Variants in RALGAPA2 observed in about 807,000 individuals in gnomAD.
RALGAPA2 encodes the protein Ral GTPase activating protein catalytic subunit alpha 2.
A neutral mutation model predicts 230.4 loss-of-function variants in RALGAPA2; 139 were observed. The observed-to-expected ratio is 0.60, with a 90% confidence interval of 0.53 to 0.69. The LOEUF (loss-of-function observed/expected upper bound fraction) is 0.69. Among genes scored for constraint, RALGAPA2 ranks in the 30% least tolerant of loss-of-function variants. RALGAPA2 has a pLI of 0.00. For synonymous variants in RALGAPA2, 847 were observed against 837.8 expected, an observed-to-expected ratio of 1.01 and a Z score of -0.19; for missense variants, 2,163 against 2,276.0, an observed-to-expected ratio of 0.95 and a Z score of 1.01.
chr20:20,410,002 T>C (rs901769062), intron 38 of RALGAPA2, among the ~76,000 whole-genome samples: 3 of 152,252 alleles, frequency 2.0e-5, no homozygotes, highest in African/African-American at 7.2e-5. Flanking sequence ...AATACTGATG[T>C]TAATAATTTG....
intron 20 of RALGAPA2, among the ~76,000 whole-genome samples, chr20:20,575,487 C>G (rs2064790284): frequency 6.6e-6 from 1 of 151,302 alleles, no homozygotes; most frequent in Non-Finnish European, 1.5e-5. Context: ...CCTCTGTTTT[C>G]AAGACAGCAT....
chr20:20,680,778 T>C lies in RALGAPA2; in HGVS notation c.130A>G (p.Lys44Glu). ...LLDNVDANDL[K>E]QFFETNYSQI... ...GAATAGTTGGTCTCAAAAAACTGCT[T>C]AAGATCATTTGCATCCACATTATCT... The change falls in exon 2 of 40, where the codon AAG becomes GAG. Residue 44 changes from lysine to glutamate, a missense_variant. By Grantham distance (56) the Lys-to-Glu change is moderately conservative. Coordinates refer to ENST00000202677, the MANE Select transcript of RALGAPA2 (RefSeq NM_020343.4). The C allele has an allele frequency of 6.3e-7, 1 of 1,583,984 alleles. No homozygotes were observed. The highest frequency in any genetic ancestry group is 8.5e-7 in the Non-Finnish European group (1 of 1,169,958).
intron 16 of RALGAPA2, among the ~76,000 whole-genome samples, chr20:20,593,005 C>A (rs1487769275): frequency 1.3e-5 from 2 of 152,026 alleles, no homozygotes; most frequent in African/African-American, 4.8e-5. Flanking sequence ...GCACACTCGA[C>A]CCCCCTGGCT....
chr20:20,539,026 C>A (rs2063570043), intron 24 of RALGAPA2, among the ~76,000 whole-genome samples: 1 of 152,136 alleles, frequency 6.6e-6, no homozygotes, highest in South Asian at 2.1e-4. Flanking sequence ...TGTAACCGAT[C>A]CTGTGTTTTC....
chr20:20,584,907 C>T lies in RALGAPA2; in HGVS notation c.2488G>A (p.Asp830Asn). Residue 830 changes from aspartate (D) to asparagine (N), a missense_variant, in exon 19 of 40, where the codon GAT becomes AAT. Physicochemically the swap from Asp to Asn is conservative, Grantham distance 23 (BLOSUM62 1). Transcript: ENST00000202677. ...CATTTTCCTTGTGTCTGCTGCAAAT[C>T]ATCTTTCAAATCCAATTCAGCAGGG... is the stretch of plus-strand genomic sequence containing the variant. ...SSPAELDLKDDLQQTQGKCRE... is the reference protein window; with the variant it reads ...SSPAELDLKDNLQQTQGKCRE... 12 of 1,612,014 alleles carry T rather than the reference C, an allele frequency of 7.4e-6. No homozygotes were observed. The highest frequency in any genetic ancestry group is 1.0e-5 in the Non-Finnish European group (12 of 1,178,806).
chr20:20,510,612 C>T (rs947908405), intron 33 of RALGAPA2, among the ~76,000 whole-genome samples: 9 of 151,732 alleles, frequency 5.9e-5, no homozygotes, highest in Admixed American at 2.0e-4. Context: ...CTGTTATGTA[C>T]CAAGTCCTAT....
Position 20,524,853 on chromosome 20 carries a change from A to G in RALGAPA2, c.3739T>C (p.Ser1247Pro), listed in dbSNP as rs1433519379. Reference protein sequence around the residue: ...VAFLLPSAEYSSVETDKKFIV... With the variant: ...VAFLLPSAEYPSVETDKKFIV... Reference sequence around the variant, plus strand: ...ACCTTCTTGTCTGTTTCCACTGAGGAGTACTCTGCACTTGGTAAAAGAAAA... The same window carrying G: ...ACCTTCTTGTCTGTTTCCACTGAGGGGTACTCTGCACTTGGTAAAAGAAAA... The change falls in exon 29 of 40, where the codon TCC becomes CCC. Residue 1247 changes from serine to proline, a missense_variant. Ser to Pro is a moderately conservative substitution (Grantham distance 74, BLOSUM62 -1). Transcript: ENST00000202677. 15 of 1,610,262 alleles carry G rather than the reference A, an allele frequency of 9.3e-6. No homozygotes were observed. The highest frequency in any genetic ancestry group is 1.2e-5 in the Non-Finnish European group (14 of 1,178,350).
chr20:20,677,037 T>C (rs1231334701), intron 2 of RALGAPA2, among the ~76,000 whole-genome samples: 1 of 151,400 alleles, frequency 6.6e-6, no homozygotes, highest in Non-Finnish European at 1.5e-5. Flanking sequence ...CACAGCTCAA[T>C]GAAGTAGATA....
rs1265898155 is a variant in RALGAPA2 at position 20,398,952 on chromosome 20, G to A, written c.5618-2218C>T. Reference sequence around the variant, plus strand: ...TACAGCACAGGTCTAAGTACTGTAAGTAAACAGATACACAGTGTTTCTGTG... The same window carrying A: ...TACAGCACAGGTCTAAGTACTGTAAATAAACAGATACACAGTGTTTCTGTG... On this transcript the variant is annotated intron_variant, in intron 38 of 39. Transcript: ENST00000202677. This position sits in a 1 kb window ranked among gnomAD's most constrained non-coding sequence, Gnocchi z 4.5. 2.0e-5 allele frequency among the ~76,000 whole-genome samples: 3 copies of A among 152,206 alleles called. No individual in the cohort carries two copies. Among genetic ancestry groups the A allele is most frequent in the East Asian group, 1.9e-4 (1 of 5,198 alleles).
At chr20:20,561,233 C>T in intron 23 of RALGAPA2, among the ~76,000 whole-genome samples, 1 of 152,236 alleles carries the variant, frequency 6.6e-6, no homozygotes, top group East Asian at 1.9e-4. Context: ...TTAGTCCTGG[C>T]TCTGGGTAAA....
chr20:20,601,927 T>A, intron 15 of RALGAPA2, 81 bp from the exon 16 acceptor site: 1 of 1,214,076 alleles, frequency 8.2e-7, no homozygotes, highest in Non-Finnish European at 1.1e-6. Context: ...GCAAATGGTG[T>A]ACCTACAACT....
chr20:20,517,870 G>C (rs757411729), intron 31 of RALGAPA2, among the ~76,000 whole-genome samples: 31 of 149,580 alleles, frequency 2.1e-4, no homozygotes, highest in Non-Finnish European at 2.5e-4. Flanking sequence ...TGAAGAAACA[G>C]TCTACACAAA....
Position 20,571,898 on chromosome 20 carries a change from G to C in RALGAPA2, c.2950C>G (p.Pro984Ala), listed in dbSNP as rs764821516. ...ISLDNQSSPSPPVLIPPLRMF... is the reference protein window; with the variant it reads ...ISLDNQSSPSAPVLIPPLRMF... ...CTGAGTGGTGGGATCAAAACTGGAG[G>C]AGATGGAGAAGACTGGTTATCCAGG... The change falls in exon 22 of 40, where the codon CCT becomes GCT. Residue 984 changes from proline (P) to alanine (A), a missense_variant. By Grantham distance (27) the Pro-to-Ala change is conservative. Coordinates refer to ENST00000202677, the MANE Select transcript of RALGAPA2 (RefSeq NM_020343.4). 6.2e-7 allele frequency: 1 copy of C among 1,612,108 alleles called. No individual in the cohort carries two copies. The highest frequency in any genetic ancestry group is 1.1e-5 in the South Asian group (1 of 90,596).
chr20:20,585,117 A>G (rs2065096071), intron 18 of RALGAPA2, among the ~76,000 whole-genome samples, 162 bp from the exon 19 acceptor site: 1 of 152,048 alleles, frequency 6.6e-6, no homozygotes, highest in Admixed American at 6.6e-5. Context: ...AAATCACTAT[A>G]TTTAATTTTA....
chr20:20,567,820 C>A (rs974477963), intron 23 of RALGAPA2, among the ~76,000 whole-genome samples: 1 of 145,598 alleles, frequency 6.9e-6, no homozygotes, highest in African/African-American at 2.6e-5. Flanking sequence ...CCAGCCTGGG[C>A]AATGGAGCGA....
intron 20 of RALGAPA2, among the ~76,000 whole-genome samples, chr20:20,581,444 A>G (rs2064980580): frequency 6.6e-6 from 1 of 152,172 alleles, no homozygotes; most frequent in Non-Finnish European, 1.5e-5. Context: ...TTTAACAGGA[A>G]CACAGTGTAA....
At chr20:20,562,050 A>C (rs1246880367) in intron 23 of RALGAPA2, among the ~76,000 whole-genome samples, 1 of 152,216 alleles carries the variant, frequency 6.6e-6, no homozygotes, top group Non-Finnish European at 1.5e-5. Context: ...ACCACAGTAG[A>C]AAGTTAATGC....
chr20:20,552,748 G>T (rs2063964822), intron 23 of RALGAPA2, among the ~76,000 whole-genome samples: 1 of 152,122 alleles, frequency 6.6e-6, no homozygotes, highest in African/African-American at 2.4e-5. Context: ...GTTCAGAAAT[G>T]CTGAGTGACG....
chr20:20,686,625 C>T (rs2068710971), intron 1 of RALGAPA2, among the ~76,000 whole-genome samples: 1 of 151,760 alleles, frequency 6.6e-6, no homozygotes, highest in Non-Finnish European at 1.5e-5. Context: ...CTTATAAGAG[C>T]TTCAGTCAGC....
Sources: gnomAD v4.1 joint callset for allele counts (sites outside exome capture counted in the v4.1 genomes callset) on GRCh38, gnomAD v4.1.1 for gene constraint, Gnocchi (gnomAD v3.1) non-coding constraint, MANE v1.5 for transcripts, NCBI Gene and HGNC (gene_info 2026-07-23, HGNC 2026-07-21) for gene names.